Variants in CD151 observed in about 807,000 individuals in gnomAD.
The protein encoded by CD151 is CD151 antigen.
In CD151, 20 loss-of-function variants were observed where a neutral mutation model predicts 34.2. The observed-to-expected ratio is 0.58, with a 90% CI of 0.41 to 0.85. The LOEUF (loss-of-function observed/expected upper bound fraction) is 0.85, where lower values mean the gene tolerates loss of function less well. Ranked by LOEUF, CD151 falls within the 40% of genes least tolerant of loss-of-function variation. CD151 has a pLI of 0.00. For missense variants in CD151, 306 were observed against 324.5 expected (o/e 0.94, Z 0.44); for synonymous variants, 157 against 131.7 (o/e 1.19, Z -1.32).
rs1017325058 is a variant in CD151, at chr11:836,547, G to T, written c.276+105G>T. On this transcript the variant is annotated intron_variant, in intron 4 of 8. Coordinates refer to ENST00000397420, the MANE Select transcript of CD151 (RefSeq NM_004357.5). The stretch of plus-strand genomic sequence containing the variant: ...GCCTTGCTGTGCTCACCTGGGGGGG[G>T]GGTCACGGTCCTTCCACACCTGCCT... 6.4e-6 allele frequency: 6 copies of T among 933,700 alleles called. No homozygotes were observed. The East Asian group carries it at 7.9e-5, about 12-fold the overall frequency. 57.8% of individuals were successfully genotyped at this position (933,700 alleles called of 1,614,324 possible).
intron 5 of CD151, 29 bp from the exon 6 acceptor site, chr11:837,221 G>A: frequency 6.3e-7 from 1 of 1,579,102 alleles, no homozygotes; most frequent in South Asian, 1.1e-5. Context: ...CTTAGACTGA[G>A]GCTGAAGTTT....
intron 3 of CD151, 40 bp downstream of exon 3, chr11:836,193 C>G (rs746305303): frequency 1.3e-6 from 2 of 1,557,050 alleles, no homozygotes; most frequent in Non-Finnish European, 1.8e-6. Context: ...CACCCCCACC[C>G]CTCCCGGGCC....
Position 838,301 on chromosome 11 carries a change from C to T in CD151, c.*109C>T. 1 of 898,244 alleles carries T rather than the reference C, an allele frequency of 1.1e-6. No individual in the cohort carries two copies. Among genetic ancestry groups the T allele is most frequent in the Non-Finnish European group, 1.8e-6 (1 of 553,234 alleles). 55.6% of individuals were successfully genotyped at this position (898,244 alleles called of 1,614,324 possible). ...CCACCCTGTGCCATCACCATAACCT[C>T]TGGGGACCCCAACCTCAGAGGCAGC... On this transcript the variant is annotated 3_prime_UTR_variant, in exon 9 of 9. Coordinates refer to ENST00000397420, the MANE Select transcript of CD151 (RefSeq NM_004357.5).
intron 4 of CD151, 125 bp from the exon 5 acceptor site, chr11:836,644 G>C (rs1459331346): frequency 1.1e-6 from 1 of 950,780 alleles, no homozygotes; most frequent in Non-Finnish European, 1.6e-6. Context: ...AAGCTTCAGG[G>C]AGGGTGGCCG....
rs201499072 is a variant in CD151, at chr11:836,544, G to T, written c.276+102G>T. The T allele has an allele frequency of 1.9e-3, 1,811 of 931,944 alleles. 39 individuals are homozygous for T. The East Asian group carries it at 0.043, about 22-fold the overall frequency. The allele number at this position is 931,944 out of a possible 1,614,324, so 57.7% of individuals were successfully genotyped here. A position where few individuals can be genotyped will look rare whatever the true frequency, so the allele number is the denominator to read the frequency against. ...TGTGCCTTGCTGTGCTCACCTGGGG[G>T]GGGGGTCACGGTCCTTCCACACCTG... On this transcript the variant is annotated intron_variant, in intron 4 of 8. Transcript: ENST00000397420.
chr11:836,276 T>G lies in CD151; in HGVS notation c.110T>G (p.Val37Gly). 1.2e-6 allele frequency: 2 copies of G among 1,612,414 alleles called. No individual in the cohort carries two copies. Among genetic ancestry groups the G allele is most frequent in the Non-Finnish European group, 1.7e-6 (2 of 1,179,812 alleles). The change falls in exon 4 of 9, where the codon GTG becomes GGG. Residue 37 changes from valine to glycine, a missense_variant. By Grantham distance (109) the Val-to-Gly change is moderately radical. Transcript: ENST00000397420. The stretch of plus-strand genomic sequence containing the variant: ...CTGGCTGGCCTGGCTGTCATGGCAG[T>G]GGGCATCTGGACGCTGGCCCTCAAG... ...FWLAGLAVMA[V>G]GIWTLALKSD...
Position 836,136 on chromosome 11 carries a change from T to A in CD151, c.67T>A (p.Tyr23Asn). ...TVCLKYLLFT[Y>N]NCCFWLAGLA... ...TTGCCTCAAGTACCTGCTGTTTACCTACAATTGCTGCTTCTGGGTGAGGAG... is the reference window on the plus strand; with the variant it reads ...TTGCCTCAAGTACCTGCTGTTTACCAACAATTGCTGCTTCTGGGTGAGGAG... The change falls in exon 3 of 9, where the codon TAC (tyrosine) becomes AAC (asparagine). Residue 23 changes from tyrosine (Y) to asparagine (N), a missense_variant. Physicochemically the swap from Tyr to Asn is moderately radical, Grantham distance 143 (BLOSUM62 -2). Coordinates refer to ENST00000397420, the MANE Select transcript of CD151 (RefSeq NM_004357.5). 6.2e-7 allele frequency: 1 copy of A among 1,612,602 alleles called. No individual in the cohort carries two copies. Among genetic ancestry groups the A allele is most frequent in the Non-Finnish European group, 8.5e-7 (1 of 1,179,598 alleles).
intron 1 of CD151, among the ~76,000 whole-genome samples, chr11:833,800 TCGGTGGCAGACGCACACCCCGCCCCC>T (rs887137682): frequency 3.3e-5 from 5 of 149,968 alleles, no homozygotes; most frequent in African/African-American, 9.8e-5. Context: ...CATCCCCCCA[TCGGTGGCAGACGCACACCCCGCCCCC>T]CGGTGGCAGA....
Position 836,775 on chromosome 11 carries a change from A to G in CD151, c.283A>G (p.Ile95Val). 1 of 1,612,528 alleles carries G rather than the reference A, an allele frequency of 6.2e-7. No homozygotes were observed. The highest frequency in any genetic ancestry group is 2.2e-5 in the East Asian group (1 of 44,854). ...CTTGTGCTGCCCCCCCCAGTACTTC[A>G]TCCTGCTCCTCATCATCTTTCTGCT... is the stretch of plus-strand genomic sequence containing the variant. ...ERRNLLRLYF[I>V]LLLIIFLLEI... is the part of the protein sequence containing the mutation. The change falls in exon 5 of 9, where the codon ATC becomes GTC. Residue 95 changes from isoleucine (I) to valine (V), a missense_variant. Coordinates refer to ENST00000397420, the MANE Select transcript of CD151 (RefSeq NM_004357.5).
At chr11:837,036 C>A in intron 5 of CD151, 193 bp downstream of exon 5, 1 of 657,298 alleles carries the variant, frequency 1.5e-6, no homozygotes, top group Non-Finnish European at 2.7e-6. Flanking sequence ...TCCAGGGGAT[C>A]CAGAAGCTCT....
At chr11:836,889 C>A in intron 5 of CD151, 46 bp downstream of exon 5, 2 of 1,545,034 alleles carry the variant, frequency 1.3e-6, no homozygotes, top group Non-Finnish European at 1.8e-6. Context: ...CATGCACAGG[C>A]GGGGCGGACA....
chr11:836,733 C>A, intron 4 of CD151, 36 bp from the exon 5 acceptor site: 1 of 1,602,558 alleles, frequency 6.2e-7, no homozygotes, highest in Non-Finnish European at 8.5e-7. Context: ...GGCACTAGGC[C>A]TCAGAACAAG....
At position 837,758 on chromosome 11, in the gene CD151, T is replaced by C. The variant is rs1261510387; in HGVS notation, c.615+140T>C. ...CACCCCAGTGGCCGGATGTGGGCAG[T>C]GAGACCACACCTCCAATATCTACGA... On this transcript the variant is annotated intron_variant, in intron 7 of 8. Coordinates refer to ENST00000397420, the MANE Select transcript of CD151 (RefSeq NM_004357.5). 5.4e-6 allele frequency: 5 copies of C among 933,298 alleles called. No individual in the cohort carries two copies. In the East Asian group the frequency reaches 1.0e-4, roughly 19 times the overall value. The allele number at this position is 933,298 out of a possible 1,614,324, so 57.8% of individuals were successfully genotyped here.
In CD151 at chr11:838,388, G is replaced by C; in HGVS notation, c.*196G>C. On this transcript the variant is annotated 3_prime_UTR_variant, in exon 9 of 9. Coordinates refer to ENST00000397420, the MANE Select transcript of CD151 (RefSeq NM_004357.5). ...GGGAGGTGAGGGGGGCTGGCGGGGC[G>C]AAGTTTGGGGGGTGTTTTGTGGGGC... 1.8e-6 allele frequency: 1 copy of C among 560,862 alleles called. No individual in the cohort carries two copies. Among genetic ancestry groups the C allele is most frequent in the Non-Finnish European group, 3.2e-6 (1 of 313,334 alleles). The allele number at this position is 560,862 out of a possible 1,614,324, so 34.7% of individuals were successfully genotyped here.
intron 2 of CD151, chr11:835,331 G>C (rs1158217379): frequency 2.0e-5 from 3 of 152,424 alleles, no homozygotes; most frequent in African/African-American, 7.2e-5. Flanking sequence ...TTGGGTATCT[G>C]TGTCCCCTCT....
At chr11:833,333 G>A (rs1239838635) in intron 1 of CD151, among the ~76,000 whole-genome samples, 1 of 152,176 alleles carries the variant, frequency 6.6e-6, no homozygotes, top group African/African-American at 2.4e-5. Flanking sequence ...CTTCAGCCCA[G>A]GGGTCCCGGG....
At chr11:837,671 AC>A (rs1198030276) in intron 7 of CD151, 53 bp downstream of exon 7, 6 of 1,551,548 alleles carry the variant, frequency 3.9e-6, no homozygotes, top group Middle Eastern at 4.4e-4. Context: ...GTGGGGGGGC[AC>A]CCCAGTGACT....
At chr11:837,150 G>C in intron 5 of CD151, 100 bp from the exon 6 acceptor site, 1 of 974,984 alleles carries the variant, frequency 1.0e-6, no homozygotes, top group Non-Finnish European at 1.6e-6. Flanking sequence ...GTGGCTCTGA[G>C]CTGGGCCCCG....
intron 4 of CD151, 124 bp downstream of exon 4, chr11:836,566 C>A: frequency 1.2e-6 from 1 of 836,698 alleles, no homozygotes; most frequent in Non-Finnish European, 1.9e-6. Flanking sequence ...TCCTTCCACA[C>A]CTGCCTAGTC....
Sources: gnomAD v4.1 joint callset for allele counts (sites outside exome capture counted in the v4.1 genomes callset) on GRCh38, gnomAD v4.1.1 for gene constraint, MANE v1.5 for transcripts, NCBI Gene and HGNC (gene_info 2026-07-23, HGNC 2026-07-21) for gene names.